PIK3CB: variants seen among roughly 807,000 people sequenced by gnomAD.
PIK3CB encodes the protein phosphatidylinositol-4,5-bisphosphate 3-kinase catalytic subunit beta.
Under a neutral mutation model 136.8 loss-of-function variants are expected in PIK3CB, and 39 were observed. The observed-to-expected ratio is 0.29, with a 90% confidence interval of 0.22 to 0.37. The LOEUF is 0.37. PIK3CB is among the 10% of genes least tolerant of loss of function. PIK3CB has a pLI of 1.00. For missense variants in PIK3CB, 868 were observed against 1,275.4 expected, an observed-to-expected ratio of 0.68 and a Z score of 4.87; for synonymous variants, 428 against 436.6, an observed-to-expected ratio of 0.98 and a Z score of 0.25.
chr3:138,772,697 C>T (rs1299080424), intron 2 of PIK3CB, among the ~76,000 whole-genome samples: 1 of 150,232 alleles, frequency 6.7e-6, no homozygotes, highest in Non-Finnish European at 1.5e-5. Context: ...TGAGCTTGAA[C>T]TCCTGAGCTC....
intron 12 of PIK3CB, among the ~76,000 whole-genome samples, chr3:138,702,790 T>C (rs922185494): frequency 6.6e-6 from 1 of 152,232 alleles, no homozygotes; most frequent in African/African-American, 2.4e-5. Flanking sequence ...TTTTTTACAC[T>C]AGTCTCTGAG....
chr3:138,686,696 G>A (rs1309940164), intron 16 of PIK3CB, among the ~76,000 whole-genome samples: 1 of 152,106 alleles, frequency 6.6e-6, no homozygotes, highest in African/African-American at 2.4e-5. Flanking sequence ...GAAATTCCAT[G>A]AACAAGAGAT....
chr3:138,721,172 T>G (rs945411313), intron 8 of PIK3CB, among the ~76,000 whole-genome samples: 1 of 152,148 alleles, frequency 6.6e-6, no homozygotes, highest in African/African-American at 2.4e-5. Flanking sequence ...CTTAAGTTTT[T>G]TTTTTTTGAG....
At chr3:138,784,211 C>T (rs1399702863) in intron 2 of PIK3CB, among the ~76,000 whole-genome samples, 1 of 152,126 alleles carries the variant, frequency 6.6e-6, no homozygotes, top group Non-Finnish European at 1.5e-5. Context: ...CATGGTGAAA[C>T]CCCATCTCTA....
chr3:138,673,362 G>A (rs2043576321), intron 19 of PIK3CB, among the ~76,000 whole-genome samples: 1 of 152,164 alleles, frequency 6.6e-6, no homozygotes, highest in African/African-American at 2.4e-5. Context: ...CGCACAGATT[G>A]TACTGCAGAC....
intron 19 of PIK3CB, among the ~76,000 whole-genome samples, chr3:138,673,700 C>G (rs750814381): frequency 2.0e-5 from 3 of 152,022 alleles, no homozygotes; most frequent in Non-Finnish European, 4.4e-5. Context: ...CACACGTACA[C>G]ACACACATAC....
At chr3:138,695,371 C>G (rs916409870) in intron 13 of PIK3CB, among the ~76,000 whole-genome samples, 11 of 152,176 alleles carry the variant, frequency 7.2e-5, no homozygotes, top group Non-Finnish European at 1.6e-4. Flanking sequence ...CAATTGATTG[C>G]TCAAAGTCAT....
At chr3:138,741,785 G>A (rs997803039) in intron 5 of PIK3CB, among the ~76,000 whole-genome samples, 3 of 150,638 alleles carry the variant, frequency 2.0e-5, no homozygotes, top group Non-Finnish European at 4.4e-5. Context: ...CCAAGATTGC[G>A]CCATCGCACT....
chr3:138,833,255 C>CG (rs1203198886), intron 1 of PIK3CB, among the ~76,000 whole-genome samples: 9 of 151,786 alleles, frequency 5.9e-5, no homozygotes, highest in African/African-American at 2.2e-4. Flanking sequence ...TTGGTAGAGA[C>CG]GGGGTTTCAC....
At chr3:138,772,247 G>A (rs966881179) in intron 2 of PIK3CB, among the ~76,000 whole-genome samples, 8 of 152,012 alleles carry the variant, frequency 5.3e-5, no homozygotes, top group African/African-American at 1.9e-4. Flanking sequence ...AACCTAATGC[G>A]CGGCAATTAA....
chr3:138,710,304 C>G (rs748754353), intron 10 of PIK3CB, among the ~76,000 whole-genome samples: 2 of 151,496 alleles, frequency 1.3e-5, no homozygotes, highest in Non-Finnish European at 2.9e-5. Context: ...AATAGAAGGA[C>G]ACACACACAC....
chr3:138,761,539 A>G (rs918604195), intron 2 of PIK3CB, among the ~76,000 whole-genome samples: 1 of 152,220 alleles, frequency 6.6e-6, no homozygotes, highest in Non-Finnish European at 1.5e-5. Flanking sequence ...TGGGAGGCCA[A>G]GGCAGGTGGA....
intron 4 of PIK3CB, among the ~76,000 whole-genome samples, chr3:138,743,858 G>A (rs181433529): frequency 1.3e-5 from 2 of 152,216 alleles, no homozygotes; most frequent in African/African-American, 4.8e-5. Context: ...ACCATGCCCG[G>A]CCTACATGTC....
At chr3:138,724,213 A>C (rs1053222885) in intron 8 of PIK3CB, among the ~76,000 whole-genome samples, 1 of 152,176 alleles carries the variant, frequency 6.6e-6, no homozygotes, top group African/African-American at 2.4e-5. Context: ...CCTCAGGTTC[A>C]ATTTGCTCTA....
chr3:138,675,802 A>C (rs894315847), intron 19 of PIK3CB, among the ~76,000 whole-genome samples: 1 of 152,184 alleles, frequency 6.6e-6, no homozygotes, highest in African/African-American at 2.4e-5. Context: ...CTTATTATTA[A>C]TTTACAGTAA....
At chr3:138,774,207 A>C (rs1444439290) in intron 2 of PIK3CB, among the ~76,000 whole-genome samples, 1 of 152,236 alleles carries the variant, frequency 6.6e-6, no homozygotes, top group Non-Finnish European at 1.5e-5. Context: ...ATCCAGGTTA[A>C]GACAAAGAAC....
chr3:138,744,254 G>T (rs890961292), intron 4 of PIK3CB, among the ~76,000 whole-genome samples: 1 of 151,300 alleles, frequency 6.6e-6, no homozygotes, highest in African/African-American at 2.4e-5. Flanking sequence ...CATTAGCCAG[G>T]CGTGGTGGTG....
chr3:138,781,628 T>C (rs2045925136), intron 2 of PIK3CB, among the ~76,000 whole-genome samples: 1 of 152,124 alleles, frequency 6.6e-6, no homozygotes, highest in Non-Finnish European at 1.5e-5. Context: ...AATTTTTTTG[T>C]ATTTTTTAGT....
intron 2 of PIK3CB, among the ~76,000 whole-genome samples, chr3:138,773,648 A>G (rs1190702136): frequency 4.6e-5 from 7 of 152,192 alleles, no homozygotes; most frequent in Non-Finnish European, 1.5e-5. Flanking sequence ...TTCCAAACAC[A>G]TAATTTTTTA....
Sources: gnomAD v4.1 joint callset for allele counts (sites outside exome capture counted in the v4.1 genomes callset) on GRCh38, gnomAD v4.1.1 for gene constraint, MANE v1.5 for transcripts, NCBI Gene and HGNC (gene_info 2026-07-23, HGNC 2026-07-21) for gene names.